FARP2: variants seen among roughly 807,000 people sequenced by gnomAD.
FARP2 encodes the protein FERM, ARHGEF and pleckstrin domain-containing protein 2.
Under a neutral mutation model 130.5 loss-of-function variants are expected in FARP2, and 111 were observed. The observed-to-expected ratio is 0.85, with a 90% CI of 0.73 to 1.00. The LOEUF (loss-of-function observed/expected upper bound fraction) is 1.00, where lower values mean the gene tolerates loss of function less well. Among genes scored for constraint, FARP2 ranks in the 50% least tolerant of loss-of-function variants. FARP2 has a pLI of 0.00. For synonymous variants in FARP2, 504 were observed against 516.9 expected (o/e 0.98, Z 0.34); for missense variants, 1,385 against 1,346.3 (o/e 1.03, Z -0.45).
intron 13 of FARP2, chr2:241,444,567 GC>G: frequency 6.6e-6 from 1 of 152,180 alleles, no homozygotes; most frequent in East Asian, 1.9e-4. Flanking sequence ...AGGGGTGGCC[GC>G]TCCCTGGTGA....
Position 241,489,998 on chromosome 2 carries a change from T to C in FARP2, c.2458T>C (p.Cys820Arg). 1 of 1,613,924 alleles carries C rather than the reference T, an allele frequency of 6.2e-7. No homozygotes were observed. The highest frequency in any genetic ancestry group is 8.5e-7 in the Non-Finnish European group (1 of 1,179,778). ...ESDNEWSVPH[C>R]FTIYAAQKTI... ...TGATAACGAGTGGTCTGTTCCACAC[T>C]GTTTCACCATCTACGCGGCTCAGAA... Residue 820 changes from cysteine (C) to arginine (R), a missense_variant, in exon 22 of 27, where the codon TGT (cysteine) becomes CGT (arginine). Transcript: ENST00000264042.
rs774972938 is a variant in FARP2 at position 241,463,883 on chromosome 2, G to A, written c.1812-16G>A. 2 of 1,610,428 alleles carry A rather than the reference G, an allele frequency of 1.2e-6. No homozygotes were observed. Among genetic ancestry groups the A allele is most frequent in the Non-Finnish European group, 1.7e-6 (2 of 1,177,136 alleles). On this transcript the variant is annotated splice_polypyrimidine_tract_variant and intron_variant, in intron 16 of 26. Transcript: ENST00000264042. ...CTTTCACCATGTTTAGGATGACTTT[G>A]TTTCTTTTTACTCAGGGAAGGGCCC...
At chr2:241,440,310 C>T (rs2063348771) in intron 12 of FARP2, among the ~76,000 whole-genome samples, 1 of 152,182 alleles carries the variant, frequency 6.6e-6, no homozygotes, top group Non-Finnish European at 1.5e-5. Context: ...GTCCCCAAAG[C>T]GTGACTGCAT....
chr2:241,462,555 CA>C lies in FARP2; in HGVS notation c.1623del (p.Glu542ArgfsTer13). ...VPADEAYFIVKEILATERTYL... is the reference protein window; with the variant it reads ...VPADEAYFIVXEILATERTYL... ...CTGCAGACGAGGCCTACTTCATAGT[CA>C]AAGAGATTCTCGCTACAGAACGAAC... is the stretch of plus-strand genomic sequence containing the variant. On this transcript the variant is annotated frameshift_variant, in exon 15 of 27. Coordinates refer to ENST00000264042, the MANE Select transcript of FARP2 (RefSeq NM_014808.4). LOFTEE classifies it high-confidence loss of function. 1 of 1,614,028 alleles carries C rather than the reference CA, an allele frequency of 6.2e-7. No homozygotes were observed. The highest frequency in any genetic ancestry group is 8.5e-7 in the Non-Finnish European group (1 of 1,179,892).
At position 241,482,990 on chromosome 2, in the gene FARP2, G is replaced by T. The variant is rs2012385; in HGVS notation, c.2263-475G>T. The stretch of plus-strand genomic sequence containing the variant: ...GCTCTTGGTGCTAATTTGAATACTC[G>T]GGAGAACCCTCCTTTCCTCCTCCCA... On this transcript the variant is annotated intron_variant, in intron 19 of 26. Transcript: ENST00000264042. This position sits in a 1 kb window ranked among gnomAD's most constrained non-coding sequence, Gnocchi z 4.6. Among the ~76,000 whole-genome samples the T allele has an allele frequency of 7.5e-6, 1 of 133,702 alleles. No individual in the cohort carries two copies. Among genetic ancestry groups the T allele is most frequent in the Non-Finnish European group, 1.7e-5 (1 of 58,936 alleles). The allele number at this position is 133,702 out of a possible 152,430, so 87.7% of individuals were successfully genotyped here.
rs1252390136 is a variant in FARP2 at position 241,459,744 on chromosome 2, G to C, written c.1588-2779G>C. ...GGGTCAGGTTTGACATTGATCTAGA[G>C]GTGGGGGCAGCGTGGCAGCTGCTGT... On this transcript the variant is annotated intron_variant, in intron 14 of 26. Transcript: ENST00000264042. The surrounding 1 kb of genome is among the most constrained non-coding windows in gnomAD (Gnocchi z 5.3). 6.6e-6 allele frequency among the ~76,000 whole-genome samples: 1 copy of C among 151,896 alleles called. No homozygotes were observed. The highest frequency in any genetic ancestry group is 2.4e-5 in the African/African-American group (1 of 41,330).
intron 2 of FARP2, among the ~76,000 whole-genome samples, chr2:241,397,884 C>T (rs11686991): frequency 0.15 from 20,956 of 141,898 alleles, 1,959 homozygotes; most frequent in Non-Finnish European, 0.21. Context: ...GGCTGGAGTG[C>T]AGTGGCGTGA....
intron 2 of FARP2, among the ~76,000 whole-genome samples, chr2:241,378,721 C>G (rs958527548): frequency 6.6e-6 from 1 of 152,100 alleles, no homozygotes; most frequent in Non-Finnish European, 1.5e-5. Context: ...GAAGCCAACT[C>G]GTAAACTGAT....
intron 20 of FARP2, 129 bp from the exon 21 acceptor site, chr2:241,484,113 T>C: frequency 6.8e-7 from 1 of 1,465,480 alleles, no homozygotes; most frequent in Non-Finnish European, 9.1e-7. Context: ...AAGTCCCCTT[T>C]CTGCCAAAAA....
intron 19 of FARP2, among the ~76,000 whole-genome samples, chr2:241,477,051 A>G (rs994141514): frequency 1.3e-5 from 2 of 151,388 alleles, no homozygotes; most frequent in African/African-American, 2.4e-5. Flanking sequence ...TAGAAATGGT[A>G]TCACACATTA....
At chr2:241,491,413 C>T (rs2124914795) in intron 23 of FARP2, 103 bp from the exon 24 acceptor site, 3 of 1,305,156 alleles carry the variant, frequency 2.3e-6, no homozygotes, top group Non-Finnish European at 3.2e-6. Context: ...ACCAAGGGCT[C>T]CCCATTTCCC....
At chr2:241,451,417 T>C (rs959422705) in intron 13 of FARP2, among the ~76,000 whole-genome samples, 4 of 152,238 alleles carry the variant, frequency 2.6e-5, no homozygotes, top group Non-Finnish European at 5.9e-5. Context: ...TAACTACTGT[T>C]TGTATCTCTC....
chr2:241,463,579 GA>G, intron 16 of FARP2, 111 bp downstream of exon 16: 1 of 1,303,250 alleles, frequency 7.7e-7, no homozygotes. Context: ...TTTTTCACTG[GA>G]GCATATTTTT....
At chr2:241,480,082 CAG>C (rs1293697943) in intron 19 of FARP2, among the ~76,000 whole-genome samples, 1 of 152,180 alleles carries the variant, frequency 6.6e-6, no homozygotes. Context: ...AGGGACCTGT[CAG>C]AGTCTGGGGA....
intron 2 of FARP2, among the ~76,000 whole-genome samples, chr2:241,387,936 A>G (rs1181325652): frequency 6.6e-6 from 1 of 152,336 alleles, no homozygotes; most frequent in South Asian, 2.1e-4. Flanking sequence ...GATCATCTAA[A>G]TAAGTTGAAA....
intron 10 of FARP2, 46 bp downstream of exon 10, chr2:241,434,367 A>G (rs755207466): frequency 2.1e-6 from 3 of 1,408,468 alleles, no homozygotes; most frequent in Non-Finnish European, 2.9e-6. Flanking sequence ...CTGGTTTGTA[A>G]AGCTGAGAAA....
At chr2:241,378,416 A>ATTTT (rs10692211) in intron 2 of FARP2, among the ~76,000 whole-genome samples, 3 of 107,668 alleles carry the variant, frequency 2.8e-5, no homozygotes, top group African/African-American at 1.1e-4. Flanking sequence ...TGCCTGGCCT[A>ATTTT]TTTTTTTTTT....
At chr2:241,463,698 G>A in intron 16 of FARP2, 1 of 675,670 alleles carries the variant, frequency 1.5e-6, no homozygotes, top group Non-Finnish European at 2.5e-6. Flanking sequence ...TTTTTGCCTG[G>A]TTACTATCTG....
At chr2:241,480,763 C>G (rs1327470057) in intron 19 of FARP2, among the ~76,000 whole-genome samples, 1 of 151,986 alleles carries the variant, frequency 6.6e-6, no homozygotes, top group African/African-American at 2.4e-5. Flanking sequence ...TTCTTTTCTT[C>G]TAATAGTTTT....
Sources: gnomAD v4.1 joint callset for allele counts (sites outside exome capture counted in the v4.1 genomes callset) on GRCh38, gnomAD v4.1.1 for gene constraint, Gnocchi (gnomAD v3.1) non-coding constraint, MANE v1.5 for transcripts, NCBI Gene and HGNC (gene_info 2026-07-23, HGNC 2026-07-21) for gene names.